Variants in PCDH11X observed in about 807,000 individuals in gnomAD.
The protein encoded by PCDH11X is protocadherin 11 X-linked, also known as protocadherin-11 X-linked.
In PCDH11X, 18 loss-of-function variants were observed where a neutral mutation model predicts 53.3. The ratio of observed to expected loss-of-function variants is 0.34; its 90% CI spans 0.23 to 0.50. PCDH11X has a LOEUF of 0.50. Ranked by LOEUF, PCDH11X falls within the 20% of genes least tolerant of loss-of-function variation. The pLI is 0.98. For missense variants in PCDH11X, 570 were observed against 1,032.4 expected, an observed-to-expected ratio of 0.55 and a Z score of 6.14; for synonymous variants, 279 against 393.3, an observed-to-expected ratio of 0.71 and a Z score of 3.44.
chrX:92,217,660 C>A (rs1603198634), intron 7 of PCDH11X, among the ~76,000 whole-genome samples: 7 of 103,037 alleles, frequency 6.8e-5, no homozygotes, highest in Admixed American at 5.4e-4. Flanking sequence ...AGAAAGTTAA[C>A]AAGGATACCC....
chrX:91,833,352 T>C (rs2147612962), intron 4 of PCDH11X, among the ~76,000 whole-genome samples: 1 of 110,160 alleles, frequency 9.1e-6, no homozygotes, highest in Admixed American at 9.8e-5. Context: ...GTATTTTTAA[T>C]CTCACCTTCA....
At chrX:92,445,192 C>CTTTTTTTTTTT (rs778466088) in intron 9 of PCDH11X, among the ~76,000 whole-genome samples, 5 of 16,525 alleles carry the variant, frequency 3.0e-4, no homozygotes, top group African/African-American at 4.3e-4. Context: ...TGGTCCAGGG[C>CTTTTTTTTTTT]TTTTTTTTTT....
intron 10 of PCDH11X, among the ~76,000 whole-genome samples, chrX:92,520,796 A>G (rs1432638096): frequency 9.0e-6 from 1 of 111,176 alleles, no homozygotes; most frequent in Non-Finnish European, 1.9e-5. Flanking sequence ...CTTACATAAT[A>G]TTGTAAATCC....
chrX:92,309,949 C>A (rs1053091291), intron 8 of PCDH11X, among the ~76,000 whole-genome samples: 1 of 112,159 alleles, frequency 8.9e-6, no homozygotes, highest in Non-Finnish European at 1.9e-5. Flanking sequence ...GACACTTTTA[C>A]AATTGCATTA....
intron 10 of PCDH11X, among the ~76,000 whole-genome samples, chrX:92,469,881 T>G (rs2073227124): frequency 1.8e-5 from 2 of 110,712 alleles, no homozygotes; most frequent in Admixed American, 1.9e-4. Flanking sequence ...TAGCTTTGGC[T>G]ATTCTGCGTA....
chrX:92,557,895 G>A (rs948207551), intron 10 of PCDH11X, among the ~76,000 whole-genome samples: 4 of 108,755 alleles, frequency 3.7e-5, no homozygotes, highest in Non-Finnish European at 7.6e-5. Flanking sequence ...GCATTGCTGG[G>A]GAGACCTCAG....
At chrX:92,412,509 G>GTATATATATA (rs748836273) in intron 9 of PCDH11X, among the ~76,000 whole-genome samples, 4 of 64,428 alleles carry the variant, frequency 6.2e-5, no homozygotes, top group Non-Finnish European at 1.3e-4. Context: ...AAAGAAAATA[G>GTATATATATA]TATATATATA....
chrX:92,222,357 C>A (rs2066897575), intron 7 of PCDH11X, among the ~76,000 whole-genome samples: 1 of 111,583 alleles, frequency 9.0e-6, no homozygotes, highest in Non-Finnish European at 1.9e-5. Flanking sequence ...AATACTACAA[C>A]AATTTAGCAA....
At chrX:92,221,443 G>T (rs1336653202) in intron 7 of PCDH11X, among the ~76,000 whole-genome samples, 1 of 109,961 alleles carries the variant, frequency 9.1e-6, no homozygotes, top group Non-Finnish European at 1.9e-5. Context: ...ATAGAGGAAG[G>T]CTAGATAAAG....
chrX:92,343,658 G>T (rs2069819621), intron 8 of PCDH11X, among the ~76,000 whole-genome samples: 1 of 111,358 alleles, frequency 9.0e-6, no homozygotes, highest in African/African-American at 3.3e-5. Context: ...TTATCTAGTG[G>T]AAATTTTCAG....
intron 10 of PCDH11X, among the ~76,000 whole-genome samples, chrX:92,519,218 A>T (rs1350998108): frequency 9.2e-6 from 1 of 108,522 alleles, no homozygotes; most frequent in Non-Finnish European, 1.9e-5. Context: ...TATAGAGAAG[A>T]TGAGTAACTC....
intron 6 of PCDH11X, among the ~76,000 whole-genome samples, chrX:92,178,585 T>A (rs772081221): frequency 5.4e-5 from 6 of 112,010 alleles, no homozygotes; most frequent in Admixed American, 1.9e-4. Flanking sequence ...ATAAAATTAA[T>A]GAGATAATTA....
intron 10 of PCDH11X, among the ~76,000 whole-genome samples, chrX:92,543,044 A>G (rs2074783510): frequency 9.1e-6 from 1 of 109,329 alleles, no homozygotes; most frequent in African/African-American, 3.3e-5. Flanking sequence ...AATCCAGATT[A>G]TAACACCACT....
intron 10 of PCDH11X, among the ~76,000 whole-genome samples, chrX:92,471,432 G>T (rs1253509402): frequency 2.9e-5 from 3 of 102,032 alleles, no homozygotes; most frequent in Non-Finnish European, 6.0e-5. Flanking sequence ...TCCTGCAAAA[G>T]ACATAATCTT....
chrX:92,179,524 A>G (rs2065960292), intron 6 of PCDH11X, among the ~76,000 whole-genome samples: 1 of 112,063 alleles, frequency 8.9e-6, no homozygotes, highest in Non-Finnish European at 1.9e-5. Context: ...AAACTGCTCA[A>G]CCATATGCTG....
At chrX:92,467,353 T>C (rs939724819) in intron 9 of PCDH11X, among the ~76,000 whole-genome samples, 2 of 111,308 alleles carry the variant, frequency 1.8e-5, no homozygotes, top group African/African-American at 6.5e-5. Flanking sequence ...TCTTCAGTTT[T>C]GTAATATTCT....
At chrX:92,464,630 TACAC>T (rs1030682155) in intron 9 of PCDH11X, among the ~76,000 whole-genome samples, 9 of 110,998 alleles carry the variant, frequency 8.1e-5, no homozygotes, top group Admixed American at 4.8e-4. Flanking sequence ...GCCTTAACCT[TACAC>T]ACAATTTGAA....
intron 6 of PCDH11X, among the ~76,000 whole-genome samples, chrX:92,183,248 C>CTTT (rs60978254): frequency 1.4e-3 from 73 of 52,287 alleles, no homozygotes; most frequent in African/African-American, 2.7e-3. Context: ...CTAGAGAAAC[C>CTTT]TTTTTTTTTT....
chrX:92,432,127 C>A lies in PCDH11X; in HGVS notation c.3344-36172C>A, dbSNP rs368964025. Among the ~76,000 whole-genome samples, 9 of 109,938 alleles carry A rather than the reference C, an allele frequency of 8.2e-5. No individual in the cohort carries two copies. The South Asian group carries it at 2.7e-3, about 33-fold the overall frequency. On this transcript the variant is annotated intron_variant, in intron 9 of 10. Transcript: ENST00000682573. The stretch of plus-strand genomic sequence containing the variant: ...TTACCAGTATTGCCCTTGTTATTTT[C>A]TTTTTTCTTCCTTTGCAGCCTTCAT...
Sources: gnomAD v4.1 joint callset for allele counts (sites outside exome capture counted in the v4.1 genomes callset) on GRCh38, gnomAD v4.1.1 for gene constraint, MANE v1.5 for transcripts, NCBI Gene and HGNC (gene_info 2026-07-23, HGNC 2026-07-21) for gene names.